KCNQ5: variants seen among roughly 807,000 people sequenced by gnomAD.
KCNQ5 encodes the protein potassium voltage-gated channel subfamily Q member 5, also known as potassium voltage-gated channel subfamily KQT member 5.
In KCNQ5, 30 loss-of-function variants were observed where a neutral mutation model predicts 98.2. The ratio of observed to expected loss-of-function variants is 0.31; its 90% CI spans 0.23 to 0.41. The LOEUF (loss-of-function observed/expected upper bound fraction) is 0.41, where lower values mean the gene tolerates loss of function less well. Among genes scored for constraint, KCNQ5 ranks in the 10% least tolerant of loss-of-function variants. The pLI, the probability that KCNQ5 is intolerant of heterozygous loss-of-function variation, is 1.00. For synonymous variants in KCNQ5, 458 were observed against 449.4 expected (o/e 1.02, Z -0.24); for missense variants, 835 against 1,182.5 (o/e 0.71, Z 4.31).
At chr6:73,098,807 A>G (rs7743399) in intron 5 of KCNQ5, among the ~76,000 whole-genome samples, 33,733 of 152,056 alleles carry the variant, frequency 0.22, 8,558 homozygotes, top group African/African-American at 0.61. Flanking sequence ...AAAACCATCT[A>G]AGGGTAGAAA....
intron 1 of KCNQ5, among the ~76,000 whole-genome samples, chr6:72,976,901 A>G (rs1768182136): frequency 6.6e-6 from 1 of 152,350 alleles, no homozygotes; most frequent in African/African-American, 2.4e-5. Flanking sequence ...TCTTACATTC[A>G]TTCTTCAAAT....
chr6:72,730,289 A>C (rs1770493350), intron 1 of KCNQ5, among the ~76,000 whole-genome samples: 2 of 152,184 alleles, frequency 1.3e-5, no homozygotes, highest in Non-Finnish European at 2.9e-5. Flanking sequence ...GACTTTACTT[A>C]TATTTTAAAC....
chr6:72,640,120 G>T (rs1412319954), intron 1 of KCNQ5, among the ~76,000 whole-genome samples: 1 of 152,092 alleles, frequency 6.6e-6, no homozygotes, highest in Non-Finnish European at 1.5e-5. Flanking sequence ...ACAGTAGTGT[G>T]CAGGGTAAAT....
intron 1 of KCNQ5, among the ~76,000 whole-genome samples, chr6:72,629,173 T>TG (rs1478084214): frequency 6.6e-6 from 1 of 152,212 alleles, no homozygotes; most frequent in Non-Finnish European, 1.5e-5. Context: ...TTTACTCTGT[T>TG]GGCCATTCTA....
At chr6:72,774,952 A>G (rs1479655061) in intron 1 of KCNQ5, among the ~76,000 whole-genome samples, 1 of 152,182 alleles carries the variant, frequency 6.6e-6, no homozygotes, top group African/African-American at 2.4e-5. Context: ...TGATCTAACA[A>G]TTTCATTCTT....
chr6:73,187,036 G>A (rs1475874231), intron 11 of KCNQ5, among the ~76,000 whole-genome samples: 4 of 151,560 alleles, frequency 2.6e-5, no homozygotes, highest in African/African-American at 9.7e-5. Context: ...GTGAGAATAT[G>A]TGGTGTTTAA....
At chr6:72,893,132 T>C (rs1306330343) in intron 1 of KCNQ5, among the ~76,000 whole-genome samples, 1 of 152,066 alleles carries the variant, frequency 6.6e-6, no homozygotes, top group Non-Finnish European at 1.5e-5. Flanking sequence ...AAGAGTAGGG[T>C]AGAGCTGGAT....
At chr6:72,643,071 A>G (rs1323725103) in intron 1 of KCNQ5, among the ~76,000 whole-genome samples, 1 of 152,134 alleles carries the variant, frequency 6.6e-6, no homozygotes, top group African/African-American at 2.4e-5. Context: ...AAACACGTGG[A>G]TGCAAAGAAG....
intron 1 of KCNQ5, among the ~76,000 whole-genome samples, chr6:72,784,994 G>A (rs1434698998): frequency 6.6e-6 from 1 of 152,162 alleles, no homozygotes; most frequent in Non-Finnish European, 1.5e-5. Context: ...CTAAACAGCA[G>A]TTTAAAAATG....
At chr6:73,064,549 A>G (rs1162857134) in intron 3 of KCNQ5, among the ~76,000 whole-genome samples, 1 of 152,066 alleles carries the variant, frequency 6.6e-6, no homozygotes, top group Non-Finnish European at 1.5e-5. Flanking sequence ...CTGCAGTCAA[A>G]TACTGGTATG....
chr6:72,979,913 C>A (rs1305173663), intron 1 of KCNQ5, among the ~76,000 whole-genome samples: 2 of 152,200 alleles, frequency 1.3e-5, no homozygotes, highest in African/African-American at 4.8e-5. Context: ...GTTTTCCCAG[C>A]ACCATTTATT....
intron 1 of KCNQ5, among the ~76,000 whole-genome samples, chr6:72,849,753 A>G (rs1456348747): frequency 1.3e-5 from 2 of 152,320 alleles, no homozygotes; most frequent in East Asian, 3.9e-4. Context: ...GGATTCATCA[A>G]CAATGAAAGA....
At chr6:73,043,812 A>C (rs1011516015) in intron 3 of KCNQ5, among the ~76,000 whole-genome samples, 1 of 152,222 alleles carries the variant, frequency 6.6e-6, no homozygotes, top group African/African-American at 2.4e-5. Flanking sequence ...TTTTTCCCAG[A>C]TGTCTGCTGC....
At chr6:73,007,590 T>C (rs1027511853) in intron 2 of KCNQ5, among the ~76,000 whole-genome samples, 2 of 152,194 alleles carry the variant, frequency 1.3e-5, no homozygotes, top group Non-Finnish European at 2.9e-5. Context: ...GTTAATTTTG[T>C]CCATTTCAGC....
At chr6:72,677,505 G>GAATA (rs979885144) in intron 1 of KCNQ5, among the ~76,000 whole-genome samples, 6 of 152,292 alleles carry the variant, frequency 3.9e-5, no homozygotes, top group African/African-American at 1.4e-4. Flanking sequence ...CTGTCACAGA[G>GAATA]AATAAATGTA....
At chr6:72,832,857 C>T (rs897213340) in intron 1 of KCNQ5, among the ~76,000 whole-genome samples, 1 of 152,134 alleles carries the variant, frequency 6.6e-6, no homozygotes, top group Admixed American at 6.5e-5. Context: ...GAGGAAAGGG[C>T]TCCCACATGC....
intron 10 of KCNQ5, among the ~76,000 whole-genome samples, chr6:73,146,519 G>T (rs1376365289): frequency 3.3e-5 from 5 of 150,862 alleles, no homozygotes; most frequent in Admixed American, 1.3e-4. Flanking sequence ...CAGCCACTTG[G>T]GAGGCTGAGA....
At chr6:72,744,800 A>T (rs1387645301) in intron 1 of KCNQ5, among the ~76,000 whole-genome samples, 1 of 151,306 alleles carries the variant, frequency 6.6e-6, no homozygotes, top group Non-Finnish European at 1.5e-5. Context: ...ACAGAGCGAG[A>T]CTCCGTCTAA....
chr6:73,126,973 A>T (rs1173556203), intron 9 of KCNQ5, among the ~76,000 whole-genome samples: 1 of 152,232 alleles, frequency 6.6e-6, no homozygotes, highest in Non-Finnish European at 1.5e-5. Context: ...ATAAAAAATT[A>T]AAAACATTGC....
Sources: allele counts gnomAD v4.1 joint callset (sites outside exome capture counted in the v4.1 genomes callset), GRCh38; gene constraint gnomAD v4.1.1; transcripts MANE v1.5; gene names NCBI Gene and HGNC (gene_info 2026-07-23, HGNC 2026-07-21).